NIBAN2: variants seen among roughly 807,000 people sequenced by gnomAD.
NIBAN2 encodes niban apoptosis regulator 2, also known as protein Niban 2.
NIBAN2 carries 36 observed loss-of-function variants against 81.8 expected under a neutral mutation model. That is an observed-to-expected ratio of 0.44 (90% CI 0.34 to 0.58). The LOEUF (loss-of-function observed/expected upper bound fraction) is 0.58. NIBAN2 is among the 20% of genes least tolerant of loss of function. NIBAN2 has a pLI of 0.02. For synonymous variants in NIBAN2, 445 were observed against 441.6 expected (o/e 1.01, Z -0.10); for missense variants, 897 against 1,014.1 (o/e 0.88, Z 1.57).
At chr9:127,532,556 G>C (rs749978913) in intron 1 of NIBAN2, among the ~76,000 whole-genome samples, 4 of 152,158 alleles carry the variant, frequency 2.6e-5, no homozygotes, top group Admixed American at 6.5e-5. Flanking sequence ...TCAGTGAGTC[G>C]AGATTGCACC....
chr9:127,549,314 G>A (rs1453452064), intron 1 of NIBAN2, among the ~76,000 whole-genome samples: 3 of 152,104 alleles, frequency 2.0e-5, no homozygotes, highest in African/African-American at 4.8e-5. Context: ...TCACACACAC[G>A]TGTATGCCCA....
chr9:127,564,025 G>A (rs1837816779), intron 1 of NIBAN2, among the ~76,000 whole-genome samples: 1 of 152,054 alleles, frequency 6.6e-6, no homozygotes, highest in Non-Finnish European at 1.5e-5. Context: ...GGGCATGGTG[G>A]CTCACGCCTA....
intron 2 of NIBAN2, 22 bp downstream of exon 2, chr9:127,531,626 G>T: frequency 6.2e-7 from 1 of 1,608,452 alleles, no homozygotes; most frequent in South Asian, 1.1e-5. Context: ...GAACATACCC[G>T]AGCCCTCCCA....
At chr9:127,578,861 C>G in intron 1 of NIBAN2, 1 of 1,550,872 alleles carries the variant, frequency 6.4e-7, no homozygotes, top group Admixed American at 1.8e-5. Flanking sequence ...CCTCTCTAAA[C>G]AAACAAACAA....
chr9:127,573,001 C>T (rs1837965788), upstream of NIBAN2, among the ~76,000 whole-genome samples: 1 of 152,134 alleles, frequency 6.6e-6, no homozygotes, highest in South Asian at 2.1e-4. Context: ...GCTGTGATCT[C>T]GCCGCTACAC....
At chr9:127,510,397 G>A in intron 8 of NIBAN2, 64 bp from the exon 9 acceptor site, 2 of 1,293,086 alleles carry the variant, frequency 1.5e-6, no homozygotes, top group Non-Finnish European at 2.1e-6. Flanking sequence ...CCATCCCAGA[G>A]CCCAGGTGCT....
chr9:127,571,924 T>C (rs1837951140), upstream of NIBAN2, among the ~76,000 whole-genome samples: 2 of 152,234 alleles, frequency 1.3e-5, no homozygotes, highest in Admixed American at 6.5e-5. Context: ...AATGGTCCTA[T>C]GTCTTGACTG....
rs75542608 is a variant in NIBAN2 at position 127,545,421 on chromosome 9, G to A, written c.56-13643C>T. On this transcript the variant is annotated intron_variant, in intron 1 of 13. Coordinates refer to ENST00000373312, the MANE Select transcript of NIBAN2 (RefSeq NM_022833.4). This position sits in a 1 kb window ranked among gnomAD's most constrained non-coding sequence, Gnocchi z 4.7. ...ACCCAGCTCCCGCCAGGCCCAGGGG[G>A]GTGCTTGATAAACAAGTGCCGAACA... is the stretch of plus-strand genomic sequence containing the variant. Among the ~76,000 whole-genome samples the A allele has an allele frequency of 3.9e-3, 599 of 152,288 alleles. 7 individuals are homozygous for A. The East Asian group carries it at 0.047, about 12-fold the overall frequency.
rs1295611008 is a variant in NIBAN2 at position 127,506,554 on chromosome 9, G to C, written c.*291C>G. The C allele has an allele frequency of 3.1e-6, 1 of 323,980 alleles. No homozygotes were observed. The highest frequency in any genetic ancestry group is 2.1e-5 in the African/African-American group (1 of 46,924). The allele number at this position is 323,980 out of a possible 1,614,324, so 20.1% of individuals were successfully genotyped here. ...ATGGAGGCCACAGAAGGACAGGAAG[G>C]GAGGGGCTTTCCAGCCCCCCAGCAG... On this transcript the variant is annotated 3_prime_UTR_variant, in exon 14 of 14. Transcript: ENST00000373312.
intron 1 of NIBAN2, among the ~76,000 whole-genome samples, chr9:127,557,175 A>G (rs1837686696): frequency 1.3e-5 from 2 of 152,108 alleles, no homozygotes; most frequent in Admixed American, 6.5e-5. Context: ...GATCCAGCCT[A>G]CCAGGAGTGG....
rs1836664896 is a variant in NIBAN2, at chr9:127,508,626, G to C, written c.1318-88C>G. 9.0e-7 allele frequency: 1 copy of C among 1,113,270 alleles called. No individual in the cohort carries two copies. The highest frequency in any genetic ancestry group is 1.4e-6 in the Non-Finnish European group (1 of 736,072). The allele number at this position is 1,113,270 out of a possible 1,614,324, so 69.0% of individuals were successfully genotyped here. A position where few individuals can be genotyped will look rare whatever the true frequency, so the allele number is the denominator to read the frequency against. ...GCTGAGGGGTCCTCATCCTCAACCA[G>C]CCCCCCACCCCGAGGCCTGCCAGGG... On this transcript the variant is annotated intron_variant, in intron 10 of 13. Transcript: ENST00000373312. The surrounding 1 kb of genome is among the most constrained non-coding windows in gnomAD (Gnocchi z 6.4).
intron 8 of NIBAN2, among the ~76,000 whole-genome samples, chr9:127,515,651 A>G (rs559910866): frequency 1.3e-5 from 2 of 152,348 alleles, no homozygotes; most frequent in South Asian, 4.1e-4. Context: ...AGCCTGGCCA[A>G]CATGGCAAAA....
chr9:127,569,191 ACCCCG>A (rs1212300066), upstream of NIBAN2: 40 of 440,924 alleles, frequency 9.1e-5, no homozygotes, highest in South Asian at 1.1e-4. Flanking sequence ...GCCGCGTCCC[ACCCCG>A]CCCCGCCCCG....
rs768965151 is a variant in NIBAN2, at chr9:127,508,432, C to T, written c.1424G>A (p.Arg475Gln). The change falls in exon 11 of 14, where the codon CGG (arginine) becomes CAG (glutamine). Residue 475 changes from arginine to glutamine, a missense_variant. Around this residue, in one of 3 missense-constraint regions of NIBAN2, gnomAD observed 619 missense variants for 691.0 expected, o/e 0.90. Transcript: ENST00000373312. The surrounding 1 kb of genome is among the most constrained non-coding windows in gnomAD (Gnocchi z 6.4). ...CGTGGGGCCGCTCACCTTCAGCACC[C>T]GCTCCAGGACCCGCTGGATGGACTT... ...LCKSIQRVLE[R>Q]VLKKYDYDSS... 13 of 1,611,218 alleles carry T rather than the reference C, an allele frequency of 8.1e-6. No individual in the cohort carries two copies. The highest frequency in any genetic ancestry group is 1.3e-5 in the African/African-American group (1 of 74,894).
At position 127,508,281 on chromosome 9, in the gene NIBAN2, A is replaced by G. The variant is rs1205915298; in HGVS notation, c.1435-81T>C. ...AGGGTAGGACGAGGCCAGTGGTCTG[A>G]CCCAAGCCTCCGAGTCCTCATCCGC... is the stretch of plus-strand genomic sequence containing the variant. On this transcript the variant is annotated intron_variant, in intron 11 of 13. Transcript: ENST00000373312. The surrounding 1 kb of genome is among the most constrained non-coding windows in gnomAD (Gnocchi z 6.4). The G allele has an allele frequency of 2.2e-6, 3 of 1,373,576 alleles. No homozygotes were observed. Among genetic ancestry groups the G allele is most frequent in the Admixed American group, 3.5e-5 (2 of 57,778 alleles). 85.1% of individuals were successfully genotyped at this position (1,373,576 alleles called of 1,614,324 possible).
intron 1 of NIBAN2, among the ~76,000 whole-genome samples, chr9:127,556,708 G>A (rs943838206): frequency 1.3e-5 from 2 of 152,192 alleles, no homozygotes; most frequent in African/African-American, 4.8e-5. Flanking sequence ...TGAGCTGTGA[G>A]GCCACCTGTC....
intron 3 of NIBAN2, among the ~76,000 whole-genome samples, chr9:127,526,398 C>CAAAAAAAA (rs71495649): frequency 1.1e-5 from 1 of 92,592 alleles, no homozygotes; most frequent in African/African-American, 4.3e-5. Context: ...GACTTCATCT[C>CAAAAAAAA]AAAAAAAAAA....
chr9:127,569,090 T>G, upstream of NIBAN2: 1 of 948,730 alleles, frequency 1.1e-6, no homozygotes, highest in Non-Finnish European at 1.2e-6. Flanking sequence ...CTCCCTGCCC[T>G]CGGCCCTGCA....
At chr9:127,533,171 A>C (rs1837215699) in intron 1 of NIBAN2, among the ~76,000 whole-genome samples, 1 of 151,848 alleles carries the variant, frequency 6.6e-6, no homozygotes, top group Admixed American at 6.6e-5. Flanking sequence ...AAAACAAAAC[A>C]AAAGGCTGGG....
Sources: allele counts gnomAD v4.1 joint callset (sites outside exome capture counted in the v4.1 genomes callset), GRCh38; gene constraint gnomAD v4.1.1; regional missense constraint gnomAD v4.1.1; non-coding constraint Gnocchi (gnomAD v3.1); transcripts MANE v1.5; gene names NCBI Gene and HGNC (gene_info 2026-07-23, HGNC 2026-07-21).